CDC42EP4: variants seen among roughly 807,000 people sequenced by gnomAD.
CDC42EP4 encodes CDC42 effector protein 4.
Under a neutral mutation model 5.6 loss-of-function variants are expected in CDC42EP4, and 6 were observed. That is an observed-to-expected ratio of 1.07 (90% confidence interval 0.59 to 2.12). CDC42EP4 has a LOEUF of 2.12. Ranked by LOEUF, CDC42EP4 falls within the 30% of genes most tolerant of loss-of-function variation. The probability of loss-of-function intolerance (pLI) is 0.00; values close to 1 mark genes in which losing one functional copy is unlikely to be tolerated. For missense variants in CDC42EP4, 490 were observed against 508.6 expected (o/e 0.96, Z 0.35); for synonymous variants, 230 against 224.2 (o/e 1.03, Z -0.23).
Position 73,285,772 on chromosome 17 carries a change from C to T in CDC42EP4, c.729G>A (p.Glu243=). ...EEGEGGYHGD[E]GAAGTITQAP... ...CCTGGGTGATGGTGCCAGCGGCGCC[C>T]TCATCGCCATGGTAACCACCCTCCC... Residue 243 remains glutamate, a synonymous_variant, in exon 2 of 2, where the codon GAG becomes GAA. Coordinates refer to ENST00000335793, the MANE Select transcript of CDC42EP4 (RefSeq NM_012121.5). The surrounding 1 kb of genome is among the most constrained non-coding windows in gnomAD (Gnocchi z 6.8). 1.3e-6 allele frequency: 2 copies of T among 1,599,306 alleles called. No individual in the cohort carries two copies. Among genetic ancestry groups the T allele is most frequent in the Non-Finnish European group, 1.7e-6 (2 of 1,168,174 alleles).
intron 1 of CDC42EP4, among the ~76,000 whole-genome samples, chr17:73,293,268 A>G (rs1386380938): frequency 6.6e-6 from 1 of 152,148 alleles, no homozygotes; most frequent in African/African-American, 2.4e-5. Context: ...TGGAGGAATG[A>G]AGGAGGGGAG....
intron 1 of CDC42EP4, among the ~76,000 whole-genome samples, chr17:73,298,706 T>A (rs1426417910): frequency 1.3e-5 from 2 of 151,952 alleles, no homozygotes; most frequent in African/African-American, 4.8e-5. Flanking sequence ...CTAAAGTGAG[T>A]CTTAGCTCAA....
In CDC42EP4 at chr17:73,286,650, G is replaced by C; in HGVS notation, c.-112-38C>G. The stretch of plus-strand genomic sequence containing the variant: ...AATGAGAGGCAAAGGATTAACGCGG[G>C]CTGGCCACACGGCACAAAAGCCTCT... On this transcript the variant is annotated intron_variant, in intron 1 of 1. Coordinates refer to ENST00000335793, the MANE Select transcript of CDC42EP4 (RefSeq NM_012121.5). The surrounding 1 kb of genome is among the most constrained non-coding windows in gnomAD (Gnocchi z 7.7). 1.6e-6 allele frequency: 1 copy of C among 625,834 alleles called. No individual in the cohort carries two copies. The highest frequency in any genetic ancestry group is 2.0e-5 in the South Asian group (1 of 48,892). 38.8% of individuals were successfully genotyped at this position (625,834 alleles called of 1,614,324 possible).
intron 1 of CDC42EP4, among the ~76,000 whole-genome samples, chr17:73,304,742 CA>C (rs2062236603): frequency 6.6e-6 from 1 of 152,156 alleles, no homozygotes; most frequent in African/African-American, 2.4e-5. Context: ...GCTCTGGATG[CA>C]TGAGTACACA....
chr17:73,297,052 G>C (rs1168962731), intron 1 of CDC42EP4, among the ~76,000 whole-genome samples: 3 of 148,178 alleles, frequency 2.0e-5, no homozygotes, highest in East Asian at 4.1e-4. Flanking sequence ...CCAGCACTTT[G>C]GGAGGCCGAG....
chr17:73,304,820 C>T (rs367590682), intron 1 of CDC42EP4, among the ~76,000 whole-genome samples: 4 of 152,320 alleles, frequency 2.6e-5, no homozygotes, highest in African/African-American at 4.8e-5. Context: ...TCATTCCCCA[C>T]CACTCCAGGG....
chr17:73,303,971 C>A (rs1028513840), intron 1 of CDC42EP4, among the ~76,000 whole-genome samples: 4 of 152,198 alleles, frequency 2.6e-5, no homozygotes, highest in Admixed American at 2.6e-4. Context: ...GAAGATATAG[C>A]ATAAGGAGTC....
chr17:73,301,742 T>A (rs1341140453), intron 1 of CDC42EP4, among the ~76,000 whole-genome samples: 1 of 147,310 alleles, frequency 6.8e-6, no homozygotes, highest in Non-Finnish European at 1.5e-5. Context: ...GCCAAGTCTG[T>A]ATTGCCGAGA....
chr17:73,288,558 C>T (rs72851027), intron 1 of CDC42EP4, among the ~76,000 whole-genome samples: 37,120 of 152,016 alleles, frequency 0.24, 5,083 homozygotes, highest in Non-Finnish European at 0.32. Context: ...TGAGCCACCG[C>T]GCCTGGTCCA....
At chr17:73,287,521 G>A (rs2062140614) in intron 1 of CDC42EP4, among the ~76,000 whole-genome samples, 1 of 152,162 alleles carries the variant, frequency 6.6e-6, no homozygotes, top group Non-Finnish European at 1.5e-5. Context: ...GAGCCTGGAG[G>A]CACCACTCTC....
In CDC42EP4 at chr17:73,285,409, G is replaced by A. The variant is rs780298868; in HGVS notation, c.*21C>T. Reference sequence around the variant, plus strand: ...GGAGAAGATGCAGCCAAGAGCTCCCGGTGGCCACCCACTGTCCGCCTCACA... The same window carrying A: ...GGAGAAGATGCAGCCAAGAGCTCCCAGTGGCCACCCACTGTCCGCCTCACA... On this transcript the variant is annotated 3_prime_UTR_variant, in exon 2 of 2. Coordinates refer to ENST00000335793, the MANE Select transcript of CDC42EP4 (RefSeq NM_012121.5). The surrounding 1 kb of genome is among the most constrained non-coding windows in gnomAD (Gnocchi z 6.8). 15 of 1,527,384 alleles carry A rather than the reference G, an allele frequency of 9.8e-6. No individual in the cohort carries two copies. The highest frequency in any genetic ancestry group is 2.7e-5 in the African/African-American group (2 of 72,820). 94.6% of individuals were successfully genotyped at this position (1,527,384 alleles called of 1,614,324 possible).
In CDC42EP4 at chr17:73,286,558, G is replaced by T; in HGVS notation, c.-58C>A. The T allele has an allele frequency of 3.7e-6, 5 of 1,360,328 alleles. No individual in the cohort carries two copies. The South Asian group carries it at 5.5e-5, about 15-fold the overall frequency. The allele number at this position is 1,360,328 out of a possible 1,614,324, so 84.3% of individuals were successfully genotyped here. On this transcript the variant is annotated 5_prime_UTR_variant, in exon 2 of 2. In the 5' UTR this introduces an upstream ATG that the reference lacks. Coordinates refer to ENST00000335793, the MANE Select transcript of CDC42EP4 (RefSeq NM_012121.5). The surrounding 1 kb of genome is among the most constrained non-coding windows in gnomAD (Gnocchi z 7.7). ...GAGGTAGCCGGCAGGTCTGGGGTCA[G>T]ATCTGAAGTCCAAGTCCAGTGGGCA...
intron 1 of CDC42EP4, among the ~76,000 whole-genome samples, chr17:73,288,858 A>G (rs2062146739): frequency 6.6e-6 from 1 of 152,048 alleles, no homozygotes; most frequent in Non-Finnish European, 1.5e-5. Context: ...ATTCCAGCAA[A>G]CACAAAGTTC....
At chr17:73,311,352 T>C (rs1398169710) in intron 1 of CDC42EP4, 1 of 152,344 alleles carries the variant, frequency 6.6e-6, no homozygotes, top group Admixed American at 6.5e-5. Context: ...CTGCAGTGTG[T>C]GTACGAGAGC....
At position 73,286,454 on chromosome 17, in the gene CDC42EP4, C is replaced by T. The variant is rs776367705; in HGVS notation, c.47G>A (p.Arg16His). The change falls in exon 2 of 2, where the codon CGC (arginine) becomes CAC (histidine). Residue 16 changes from arginine (R) to histidine (H), a missense_variant. Transcript: ENST00000335793. The surrounding 1 kb of genome is among the most constrained non-coding windows in gnomAD (Gnocchi z 7.7). ...QLVSSSVHSK[R>H]RSRADLTAEM... is the part of the protein sequence containing the mutation. ...GGCCGTGAGGTCCGCTCGGGAACGG[C>T]GCTTGGAGTGCACCGAGCTGGACAC... The T allele has an allele frequency of 1.1e-4, 177 of 1,609,778 alleles. No individual in the cohort carries two copies. The highest frequency in any genetic ancestry group is 1.4e-4 in the Non-Finnish European group (161 of 1,177,010).
rs1006986542 is a variant in CDC42EP4 at position 73,291,652 on chromosome 17, C to T, written c.-112-5040G>A. On this transcript the variant is annotated intron_variant, in intron 1 of 1. Coordinates refer to ENST00000335793, the MANE Select transcript of CDC42EP4 (RefSeq NM_012121.5). ...GAAGTGGCTAAAATAGGCTGCCCAA[C>T]GTGGGGCAGGCACTCCCCATAGCCT... is the stretch of plus-strand genomic sequence containing the variant. 2.6e-5 allele frequency among the ~76,000 whole-genome samples: 4 copies of T among 152,068 alleles called. No homozygotes were observed. In the East Asian group the frequency reaches 5.8e-4, roughly 22 times the overall value.
chr17:73,296,709 A>G (rs966467002), intron 1 of CDC42EP4, among the ~76,000 whole-genome samples: 10 of 151,268 alleles, frequency 6.6e-5, no homozygotes, highest in African/African-American at 2.4e-4. Context: ...ACGGCTGGGC[A>G]CGGTGGCTCA....
chr17:73,295,353 C>A (rs75094198), intron 1 of CDC42EP4, among the ~76,000 whole-genome samples: 27 of 152,202 alleles, frequency 1.8e-4, no homozygotes, highest in Admixed American at 3.3e-4. Context: ...CCAGATAACA[C>A]CTCAATGGGC....
chr17:73,286,791 TAG>T lies in CDC42EP4; in HGVS notation c.-112-181_-112-180del. ...TTTCTTCATCCGCAGGCATTCAGAG[TAG>T]AGGAGTGATTTTGCAAATCTGGTTA... On this transcript the variant is annotated intron_variant, in intron 1 of 1. Transcript: ENST00000335793. This position sits in a 1 kb window ranked among gnomAD's most constrained non-coding sequence, Gnocchi z 7.7. The T allele has an allele frequency of 2.7e-6, 1 of 364,312 alleles. No homozygotes were observed. The highest frequency in any genetic ancestry group is 7.3e-4 in the Middle Eastern group (1 of 1,372). The allele number at this position is 364,312 out of a possible 1,614,324, so 22.6% of individuals were successfully genotyped here.
Sources: gnomAD v4.1 joint callset for allele counts (sites outside exome capture counted in the v4.1 genomes callset) on GRCh38, gnomAD v4.1.1 for gene constraint, Gnocchi (gnomAD v3.1) non-coding constraint, MANE v1.5 for transcripts, NCBI Gene and HGNC (gene_info 2026-07-23, HGNC 2026-07-21) for gene names.